Variants in ANKRD16 observed in about 807,000 individuals in gnomAD.
The protein encoded by ANKRD16 is ankyrin repeat domain 16, also known as ankyrin repeat domain-containing protein 16.
In ANKRD16, 35 loss-of-function variants were observed where a neutral mutation model predicts 37.9. The observed-to-expected ratio is 0.92, with a 90% CI of 0.71 to 1.23. The LOEUF (loss-of-function observed/expected upper bound fraction) is 1.23, where lower values mean the gene tolerates loss of function less well. Ranked by LOEUF, ANKRD16 falls within the 50% of genes most tolerant of loss-of-function variation. The pLI is 0.00. For synonymous variants in ANKRD16, 206 were observed against 197.2 expected, an observed-to-expected ratio of 1.04 and a Z score of -0.37; for missense variants, 480 against 469.9, an observed-to-expected ratio of 1.02 and a Z score of -0.20.
chr10:5,875,109 G>C lies in ANKRD16; in HGVS notation c.*33+2988C>G, dbSNP rs79036644. ...AGAGCAGCAACAACGACGCCAGACT[G>C]CGGGGGGTGGGAGGTGCCTATGAGC... On this transcript the variant is annotated intron_variant, in intron 7 of 7. Transcript: ENST00000380094. Among the ~76,000 whole-genome samples the C allele has an allele frequency of 6.0e-3, 911 of 152,250 alleles. 6 individuals are homozygous for C. Among genetic ancestry groups the C allele is most frequent in the Non-Finnish European group, 0.012 (787 of 68,024 alleles).
In ANKRD16 at chr10:5,864,357, G is replaced by A. The variant is rs1460986828; in HGVS notation, c.*34-1666C>T. Among the ~76,000 whole-genome samples, 8 of 151,970 alleles carry A rather than the reference G, an allele frequency of 5.3e-5. No homozygotes were observed. The highest frequency in any genetic ancestry group is 3.9e-4 in the Admixed American group (6 of 15,256). ...CAACCTCCCCCCCACCCCTGCTATC[G>A]GTTATGTCCTTTTCAAGCTGTATGG... On this transcript the variant is annotated intron_variant, in intron 7 of 7. Coordinates refer to ENST00000380094, the MANE Select transcript of ANKRD16 (RefSeq NM_019046.3). This position sits in a 1 kb window ranked among gnomAD's most constrained non-coding sequence, Gnocchi z 4.4.
intron 3 of ANKRD16, among the ~76,000 whole-genome samples, chr10:5,884,678 G>C (rs1842385539): frequency 6.8e-6 from 1 of 147,946 alleles, no homozygotes. Flanking sequence ...GTTGCAGTGA[G>C]CTGAGATTGC....
At chr10:5,872,171 GA>G (rs35735894) in intron 7 of ANKRD16, among the ~76,000 whole-genome samples, 51,010 of 151,936 alleles carry the variant, frequency 0.34, 10,385 homozygotes, top group East Asian at 0.73. Flanking sequence ...AGAGCATTAG[GA>G]TTTGCTTGTA....
In ANKRD16 at chr10:5,863,797, C is replaced by T. The variant is rs777442395; in HGVS notation, c.*34-1106G>A. ...TGGGAAGAACAAACAACTCTGGATG[C>T]ACCATCTTTAAGACTGTAACACTCA... On this transcript the variant is annotated intron_variant, in intron 7 of 7. Coordinates refer to ENST00000380094, the MANE Select transcript of ANKRD16 (RefSeq NM_019046.3). This position sits in a 1 kb window ranked among gnomAD's most constrained non-coding sequence, Gnocchi z 4.7. Among the ~76,000 whole-genome samples, 8 of 152,174 alleles carry T rather than the reference C, an allele frequency of 5.3e-5. No homozygotes were observed. The highest frequency in any genetic ancestry group is 1.9e-4 in the East Asian group (1 of 5,202).
intron 1 of ANKRD16, 126 bp downstream of exon 1, chr10:5,888,915 C>T (rs916100128): frequency 6.6e-6 from 7 of 1,053,710 alleles, no homozygotes; most frequent in Non-Finnish European, 9.0e-6. Context: ...TGCCGCTGAG[C>T]AGGCCTGGGG....
chr10:5,881,336 G>C (rs1302694345), intron 5 of ANKRD16, among the ~76,000 whole-genome samples: 1 of 149,620 alleles, frequency 6.7e-6, no homozygotes, highest in African/African-American at 2.5e-5. Context: ...ATCTTTAGGG[G>C]AGAGATAAAC....
chr10:5,871,123 A>T lies in ANKRD16; in HGVS notation c.*33+6974T>A, dbSNP rs1052307711. ...GTCACGCAGCCAGGCTTGGTGGTTC[A>T]CGCCTGTAATCCCAGCACTTTGGGA... On this transcript the variant is annotated intron_variant, in intron 7 of 7. Coordinates refer to ENST00000380094, the MANE Select transcript of ANKRD16 (RefSeq NM_019046.3). This position sits in a 1 kb window ranked among gnomAD's most constrained non-coding sequence, Gnocchi z 4.5. 6.6e-6 allele frequency among the ~76,000 whole-genome samples: 1 copy of T among 152,142 alleles called. No individual in the cohort carries two copies. Among genetic ancestry groups the T allele is most frequent in the Non-Finnish European group, 1.5e-5 (1 of 68,024 alleles).
chr10:5,875,016 G>T (rs1395761546), intron 7 of ANKRD16, among the ~76,000 whole-genome samples: 1 of 152,140 alleles, frequency 6.6e-6, no homozygotes, highest in Non-Finnish European at 1.5e-5. Context: ...AGTAATCTAA[G>T]GGCTAAAAGT....
At chr10:5,884,548 T>A (rs1251566177) in intron 3 of ANKRD16, among the ~76,000 whole-genome samples, 1 of 152,084 alleles carries the variant, frequency 6.6e-6, no homozygotes, top group African/African-American at 2.4e-5. Flanking sequence ...CTGGCCAATG[T>A]GGTGAAACCC....
rs980021838 is a variant in ANKRD16, at chr10:5,874,453, C to T, written c.*33+3644G>A. Among the ~76,000 whole-genome samples, 4 of 152,172 alleles carry T rather than the reference C, an allele frequency of 2.6e-5. No homozygotes were observed. Among genetic ancestry groups the T allele is most frequent in the East Asian group, 1.9e-4 (1 of 5,192 alleles). ...GTGTATTTAAGACATGGCTGCCACT[C>T]TCTAGGAGGAGAGTGAGAGAGCTTG... is the stretch of plus-strand genomic sequence containing the variant. On this transcript the variant is annotated intron_variant, in intron 7 of 7. Transcript: ENST00000380094. This position sits in a 1 kb window ranked among gnomAD's most constrained non-coding sequence, Gnocchi z 4.7.
chr10:5,885,907 C>T (rs1272888670), intron 2 of ANKRD16, 142 bp from the exon 3 acceptor site: 4 of 734,636 alleles, frequency 5.4e-6, no homozygotes, highest in Non-Finnish European at 9.0e-6. Flanking sequence ...ACTGTTACCG[C>T]CCTACACGAA....
chr10:5,875,260 G>A (rs1388275782), intron 7 of ANKRD16, among the ~76,000 whole-genome samples: 2 of 152,088 alleles, frequency 1.3e-5, no homozygotes, highest in Non-Finnish European at 2.9e-5. Context: ...TCTAGGTAAG[G>A]GCTTAGCACA....
chr10:5,864,337 T>TC lies in ANKRD16; in HGVS notation c.*34-1647dup, dbSNP rs536674880. 2.3e-4 allele frequency among the ~76,000 whole-genome samples: 35 copies of TC among 150,700 alleles called. 1 individual carries two copies. In the South Asian group the frequency reaches 5.1e-3, roughly 22 times the overall value. ...AAGAAATCTCCAAGGGACCACAACC[T>TC]CCCCCCCACCCCTGCTATCGGTTAT... On this transcript the variant is annotated intron_variant, in intron 7 of 7. Transcript: ENST00000380094. The surrounding 1 kb of genome is among the most constrained non-coding windows in gnomAD (Gnocchi z 4.4).
At chr10:5,881,973 C>G (rs573607994) in intron 5 of ANKRD16, among the ~76,000 whole-genome samples, 1 of 152,060 alleles carries the variant, frequency 6.6e-6, no homozygotes, top group African/African-American at 2.4e-5. Context: ...AGGCTTGAGC[C>G]ACTGCGCCTG....
In ANKRD16 at chr10:5,885,779, G is replaced by C. The variant is rs759810768; in HGVS notation, c.536-14C>G. The C allele has an allele frequency of 3.8e-6, 6 of 1,597,780 alleles. No individual in the cohort carries two copies. The highest frequency in any genetic ancestry group is 1.7e-4 in the Middle Eastern group (1 of 5,982). On this transcript the variant is annotated splice_polypyrimidine_tract_variant and intron_variant, in intron 2 of 7. Coordinates refer to ENST00000380094, the MANE Select transcript of ANKRD16 (RefSeq NM_019046.3). ...GGCCATGCATTGCTGGGAGGAGAAA[G>C]AAAGCTGAGAATTAGAGCTTTTTAG...
chr10:5,880,525 TC>T, intron 5 of ANKRD16, 149 bp from the exon 6 acceptor site: 1 of 417,074 alleles, frequency 2.4e-6, no homozygotes, highest in Non-Finnish European at 4.2e-6. Flanking sequence ...TGTGTCTCTC[TC>T]CAAAGATGAT....
chr10:5,878,059 G>GA lies in ANKRD16; in HGVS notation c.*33+37dup, dbSNP rs1276481830. 9.1e-6 allele frequency: 14 copies of GA among 1,544,648 alleles called. No homozygotes were observed. The highest frequency in any genetic ancestry group is 1.1e-5 in the Non-Finnish European group (13 of 1,144,174). The stretch of plus-strand genomic sequence containing the variant: ...AAACTGGCTTCCAACTGGTTTCGCT[G>GA]AATCTGTGACTGACTTAAGAAGCAG... On this transcript the variant is annotated intron_variant, in intron 7 of 7. Coordinates refer to ENST00000380094, the MANE Select transcript of ANKRD16 (RefSeq NM_019046.3). The surrounding 1 kb of genome is among the most constrained non-coding windows in gnomAD (Gnocchi z 5.1).
chr10:5,872,336 A>G (rs568919248), intron 7 of ANKRD16, among the ~76,000 whole-genome samples: 4 of 151,862 alleles, frequency 2.6e-5, no homozygotes, highest in South Asian at 2.1e-4. Context: ...AAAATTAGCC[A>G]GGCATGGTGG....
intron 7 of ANKRD16, among the ~76,000 whole-genome samples, chr10:5,875,427 T>C (rs967190470): frequency 2.9e-4 from 44 of 152,272 alleles, no homozygotes; most frequent in Non-Finnish European, 8.8e-5. Flanking sequence ...ATAAATTATA[T>C]GGTACATTTG....
Sources: gnomAD v4.1 joint callset for allele counts (sites outside exome capture counted in the v4.1 genomes callset) on GRCh38, gnomAD v4.1.1 for gene constraint, Gnocchi (gnomAD v3.1) non-coding constraint, MANE v1.5 for transcripts, NCBI Gene and HGNC (gene_info 2026-07-23, HGNC 2026-07-21) for gene names.